TP73: variants seen among roughly 807,000 people sequenced by gnomAD.
The protein encoded by TP73 is tumor protein p73, also known as p53-like transcription factor.
Under a neutral mutation model 62.5 loss-of-function variants are expected in TP73, and 25 were observed. That is an observed-to-expected ratio of 0.40 (90% CI 0.29 to 0.56). TP73 has a LOEUF of 0.56. Ranked by LOEUF, TP73 falls within the 20% of genes least tolerant of loss-of-function variation. The probability of loss-of-function intolerance (pLI) is 0.46; values close to 1 mark genes in which losing one functional copy is unlikely to be tolerated. For synonymous variants in TP73, 423 were observed against 377.5 expected (o/e 1.12, Z -1.40); for missense variants, 754 against 913.3 (o/e 0.83, Z 2.25).
chr1:3,657,772 C>T (rs994677521), intron 1 of TP73, among the ~76,000 whole-genome samples: 5 of 152,166 alleles, frequency 3.3e-5, no homozygotes, highest in African/African-American at 9.7e-5. Context: ...GGCAGCCCCC[C>T]TCTCCCCCAG....
rs768123003 is a variant in TP73 at position 3,699,739 on chromosome 1, C to T, written c.187-7810C>T. Among the ~76,000 whole-genome samples the T allele has an allele frequency of 4.6e-5, 7 of 152,140 alleles. No individual in the cohort carries two copies. Among genetic ancestry groups the T allele is most frequent in the African/African-American group, 9.6e-5 (4 of 41,518 alleles). On this transcript the variant is annotated intron_variant, in intron 3 of 13. Coordinates refer to ENST00000378295, the MANE Select transcript of TP73 (RefSeq NM_005427.4). The surrounding 1 kb of genome is among the most constrained non-coding windows in gnomAD (Gnocchi z 4.1). ...CGGGCGGGGAGCAGGGATGCTCGGGCGGGGGCAGGAGCTGGAGAGGTGACA... is the reference window on the plus strand; with the variant it reads ...CGGGCGGGGAGCAGGGATGCTCGGGTGGGGGCAGGAGCTGGAGAGGTGACA...
chr1:3,688,665 G>A (rs780434069), intron 3 of TP73, among the ~76,000 whole-genome samples: 1 of 152,214 alleles, frequency 6.6e-6, no homozygotes, highest in Non-Finnish European at 1.5e-5. Context: ...GCTGGGCCTT[G>A]GGAACGTTTG....
chr1:3,695,886 G>A (rs1378420779), intron 3 of TP73, among the ~76,000 whole-genome samples: 2 of 152,260 alleles, frequency 1.3e-5, no homozygotes, highest in Non-Finnish European at 2.9e-5. Flanking sequence ...GTACCACACC[G>A]TGGGATTCTG....
At chr1:3,667,923 T>C (rs1645157432) in intron 1 of TP73, among the ~76,000 whole-genome samples, 1 of 152,136 alleles carries the variant, frequency 6.6e-6, no homozygotes, top group African/African-American at 2.4e-5. Flanking sequence ...CTCCTTGAAC[T>C]CCCCCTTCAG....
At chr1:3,688,407 C>A (rs1371455680) in intron 3 of TP73, among the ~76,000 whole-genome samples, 1 of 152,130 alleles carries the variant, frequency 6.6e-6, no homozygotes, top group Non-Finnish European at 1.5e-5. Flanking sequence ...AAACGAAGTC[C>A]CCCTGTCTGT....
At position 3,701,751 on chromosome 1, in the gene TP73, C is replaced by A. The variant is rs944943413; in HGVS notation, c.187-5798C>A. Among the ~76,000 whole-genome samples, 1 of 152,192 alleles carries A rather than the reference C, an allele frequency of 6.6e-6. No homozygotes were observed. The highest frequency in any genetic ancestry group is 1.5e-5 in the Non-Finnish European group (1 of 68,040). On this transcript the variant is annotated intron_variant, in intron 3 of 13. Coordinates refer to ENST00000378295, the MANE Select transcript of TP73 (RefSeq NM_005427.4). The surrounding 1 kb of genome is among the most constrained non-coding windows in gnomAD (Gnocchi z 4.7). Reference sequence around the variant, plus strand: ...CTTGAACTCCGGACCTCAGGTGATCCGCCTGCCTCGTCCTCCCAAATTGCT... The same window carrying A: ...CTTGAACTCCGGACCTCAGGTGATCAGCCTGCCTCGTCCTCCCAAATTGCT...
intron 3 of TP73, among the ~76,000 whole-genome samples, chr1:3,685,747 C>CT: frequency 1.3e-5 from 2 of 152,332 alleles, no homozygotes; most frequent in South Asian, 4.1e-4. Flanking sequence ...TGGAGCTGAA[C>CT]TGGGGGGCAT....
At chr1:3,658,434 C>T (rs188874807) in intron 1 of TP73, among the ~76,000 whole-genome samples, 2 of 152,158 alleles carry the variant, frequency 1.3e-5, no homozygotes, top group African/African-American at 4.8e-5. Context: ...GTGCAGATGT[C>T]CGTCCTCTGT....
At position 3,683,204 on chromosome 1, in the gene TP73, C is replaced by A. The variant is rs754692674; in HGVS notation, c.186+24C>A. ...TGGTGAGTGGGGGGGCTGCCCTCTG[C>A]AAGAGGACTGGAGTGGGGACAACAA... On this transcript the variant is annotated intron_variant, in intron 3 of 13. Transcript: ENST00000378295. 13 of 1,591,142 alleles carry A rather than the reference C, an allele frequency of 8.2e-6. No homozygotes were observed. The South Asian group carries it at 1.2e-4, about 15-fold the overall frequency.
chr1:3,733,023 T>G lies in TP73; in HGVS notation c.1855T>G (p.Cys619Gly), dbSNP rs571845429. The G allele has an allele frequency of 5.1e-6, 8 of 1,553,734 alleles. No homozygotes were observed. In the East Asian group the frequency reaches 1.9e-4, roughly 37 times the overall value. ...WADFGFDLPDCKARKQPIKEE... is the reference protein window; with the variant it reads ...WADFGFDLPDGKARKQPIKEE... ...GGACTTCGGCTTCGACCTGCCCGAC[T>G]GCAAGGCCCGCAAGCAGCCCATCAA... is the stretch of plus-strand genomic sequence containing the variant. Residue 619 changes from cysteine to glycine, a missense_variant, in exon 14 of 14, where the codon TGC becomes GGC. Physicochemically the swap from Cys to Gly is radical, Grantham distance 159 (BLOSUM62 -3). Transcript: ENST00000378295.
intron 3 of TP73, among the ~76,000 whole-genome samples, chr1:3,706,533 G>T (rs1015305560): frequency 6.6e-6 from 1 of 152,072 alleles, no homozygotes; most frequent in African/African-American, 2.4e-5. Flanking sequence ...AAAGGCATTT[G>T]TTTGCGTTGA....
intron 1 of TP73, among the ~76,000 whole-genome samples, chr1:3,676,717 G>A (rs762549558): frequency 6.6e-6 from 1 of 151,970 alleles, no homozygotes; most frequent in Non-Finnish European, 1.5e-5. Context: ...CCAGCCACTG[G>A]GCCTCCTGGC....
intron 4 of TP73, among the ~76,000 whole-genome samples, chr1:3,714,581 C>T (rs1297213687): frequency 2.0e-5 from 3 of 152,282 alleles, no homozygotes; most frequent in Non-Finnish European, 2.9e-5. Flanking sequence ...GCCTGGCCCA[C>T]AGTCCCGCTA....
chr1:3,722,309 T>G lies in TP73; in HGVS notation c.616+102T>G. On this transcript the variant is annotated intron_variant, in intron 5 of 13. Transcript: ENST00000378295. ...CTGGGAGAGAGTGGGGCTGACAGCA[T>G]GGGCTTAGCCATTCCCCTGCGGAGG... 4 of 1,417,452 alleles carry G rather than the reference T, an allele frequency of 2.8e-6. No homozygotes were observed. The South Asian group carries it at 5.0e-5, about 18-fold the overall frequency. 87.8% of individuals were successfully genotyped at this position (1,417,452 alleles called of 1,614,324 possible).
At chr1:3,691,020 G>C in intron 3 of TP73, 9 of 1,543,092 alleles carry the variant, frequency 5.8e-6, no homozygotes, top group Non-Finnish European at 7.9e-6. Context: ...GGGTTCAGAG[G>C]GGCATCCTTC....
At chr1:3,669,186 C>T (rs887729249) in intron 1 of TP73, among the ~76,000 whole-genome samples, 4 of 152,222 alleles carry the variant, frequency 2.6e-5, no homozygotes, top group African/African-American at 7.2e-5. Flanking sequence ...GGGCTTGGCT[C>T]GCCCTCCTCT....
intron 1 of TP73, among the ~76,000 whole-genome samples, chr1:3,652,937 C>G (rs543657012): frequency 6.6e-6 from 1 of 152,184 alleles, no homozygotes; most frequent in African/African-American, 2.4e-5. Context: ...CGGGAGGGCC[C>G]TCCTCCTGCT....
Position 3,656,174 on chromosome 1 carries a change from C to CAA in TP73, c.-34+3550_-34+3551dup, listed in dbSNP as rs1364612534. ...TGGGCGACAGAGCGAGACTACGTCT[C>CAA]AAAAAAAAAAAAAAAAAATCCCTCT... On this transcript the variant is annotated intron_variant, in intron 1 of 13. Coordinates refer to ENST00000378295, the MANE Select transcript of TP73 (RefSeq NM_005427.4). Among the ~76,000 whole-genome samples, 389 of 103,362 alleles carry CAA rather than the reference C, an allele frequency of 3.8e-3. 5 individuals are homozygous for CAA. Among genetic ancestry groups the CAA allele is most frequent in the African/African-American group, 0.011 (333 of 29,632 alleles). The allele number at this position is 103,362 out of a possible 152,430, so 67.8% of individuals were successfully genotyped here. A position where few individuals can be genotyped will look rare whatever the true frequency, so the allele number is the denominator to read the frequency against.
At chr1:3,697,461 T>C (rs916153262) in intron 3 of TP73, among the ~76,000 whole-genome samples, 4 of 152,222 alleles carry the variant, frequency 2.6e-5, no homozygotes, top group Non-Finnish European at 5.9e-5. Flanking sequence ...TTTCCCTTCC[T>C]GCAGGCCCGC....
Sources: allele counts gnomAD v4.1 joint callset (sites outside exome capture counted in the v4.1 genomes callset), GRCh38; gene constraint gnomAD v4.1.1; non-coding constraint Gnocchi (gnomAD v3.1); transcripts MANE v1.5; gene names NCBI Gene and HGNC (gene_info 2026-07-23, HGNC 2026-07-21).